The following BRF1 variants were observed in gnomAD, a reference collection of about 807,000 sequenced individuals.
BRF1 encodes the protein BRF1 general transcription factor IIIB subunit.
A neutral mutation model predicts 81.7 loss-of-function variants in BRF1; 59 were observed. That is an observed-to-expected ratio of 0.72 (90% confidence interval 0.59 to 0.90). The LOEUF is 0.90. BRF1 is among the 40% of genes least tolerant of loss of function. The pLI, the probability that BRF1 is intolerant of heterozygous loss-of-function variation, is 0.00. For missense variants in BRF1, 1,050 were observed against 936.3 expected, an observed-to-expected ratio of 1.12 and a Z score of -1.58; for synonymous variants, 491 against 395.6, an observed-to-expected ratio of 1.24 and a Z score of -2.86.
At chr14:105,218,929 C>T in intron 14 of BRF1, 69 bp downstream of exon 14, 1 of 1,603,072 alleles carries the variant, frequency 6.2e-7, no homozygotes, top group Non-Finnish European at 8.5e-7. Context: ...AAGGGACATT[C>T]CAGAGACATT....
At chr14:105,222,721 C>T (rs962895534) in intron 10 of BRF1, among the ~76,000 whole-genome samples, 9 of 152,228 alleles carry the variant, frequency 5.9e-5, no homozygotes, top group East Asian at 1.9e-4. Flanking sequence ...CTCCGCCTCC[C>T]GGGTTCACGC....
intron 3 of BRF1, among the ~76,000 whole-genome samples, chr14:105,260,819 A>G (rs2056113825): frequency 1.3e-5 from 2 of 152,246 alleles, no homozygotes; most frequent in Non-Finnish European, 2.9e-5. Context: ...TGGCTCTATC[A>G]GGCGCTTTCA....
Position 105,271,319 on chromosome 14 carries a change from G to C in BRF1, c.439+1402C>G, listed in dbSNP as rs1036483621. Reference sequence around the variant, plus strand: ...ACACTGCCGTGAGATTTCTGAACGTGGAGATTAGAGGCAAGGAGCTGAAGC... The same window carrying C: ...ACACTGCCGTGAGATTTCTGAACGTCGAGATTAGAGGCAAGGAGCTGAAGC... On this transcript the variant is annotated intron_variant, in intron 3 of 17. Transcript: ENST00000547530. This position sits in a 1 kb window ranked among gnomAD's most constrained non-coding sequence, Gnocchi z 5.5. Among the ~76,000 whole-genome samples, 1 of 152,226 alleles carries C rather than the reference G, an allele frequency of 6.6e-6. No individual in the cohort carries two copies. Among genetic ancestry groups the C allele is most frequent in the Non-Finnish European group, 1.5e-5 (1 of 68,050 alleles).
chr14:105,293,776 G>T (rs1213208857), intron 1 of BRF1, among the ~76,000 whole-genome samples: 2 of 152,208 alleles, frequency 1.3e-5, no homozygotes, highest in Non-Finnish European at 2.9e-5. Context: ...TCCCCCGTGG[G>T]GCCTGGCTTC....
intron 5 of BRF1, 48 bp from the exon 6 acceptor site, chr14:105,241,462 C>G (rs759271932): frequency 6.2e-7 from 1 of 1,602,444 alleles, no homozygotes; most frequent in Admixed American, 1.7e-5. Flanking sequence ...TGCCATGGCA[C>G]GTGCACAGGC....
At position 105,229,255 on chromosome 14, in the gene BRF1, T is replaced by A. The variant is rs587643229; in HGVS notation, c.695-342A>T. 3.3e-5 allele frequency among the ~76,000 whole-genome samples: 5 copies of A among 152,292 alleles called. No homozygotes were observed. The South Asian group carries it at 8.3e-4, about 25-fold the overall frequency. ...TGATGGGAGCTGGGGACTCTGAGGA[T>A]GCGGAGCCAGGCTGGGCAGGAAAGG... is the stretch of plus-strand genomic sequence containing the variant. On this transcript the variant is annotated intron_variant, in intron 6 of 17. Transcript: ENST00000547530.
At chr14:105,224,591 C>T (rs1892795228) in intron 10 of BRF1, among the ~76,000 whole-genome samples, 1 of 152,196 alleles carries the variant, frequency 6.6e-6, no homozygotes, top group South Asian at 2.1e-4. Context: ...CTCTGCTGCC[C>T]AGGCTGGAAT....
chr14:105,265,900 C>CAAA (rs34375627), intron 3 of BRF1, among the ~76,000 whole-genome samples: 2,448 of 75,582 alleles, frequency 0.032, 82 homozygotes, highest in African/African-American at 0.082. Context: ...GACTCCCTCT[C>CAAA]AAAAAAAAAA....
chr14:105,280,108 A>C (rs2057006903), intron 2 of BRF1, among the ~76,000 whole-genome samples: 1 of 152,254 alleles, frequency 6.6e-6, no homozygotes, highest in Non-Finnish European at 1.5e-5. Context: ...CGTTTACAGC[A>C]GCTTCACTCA....
chr14:105,215,393 C>A (rs1196252418), intron 15 of BRF1, among the ~76,000 whole-genome samples: 2 of 151,736 alleles, frequency 1.3e-5, no homozygotes, highest in Non-Finnish European at 2.9e-5. Flanking sequence ...TGCATTTGCA[C>A]ACAAAAACTT....
intron 1 of BRF1, among the ~76,000 whole-genome samples, chr14:105,286,680 A>G (rs1195071967): frequency 1.3e-5 from 2 of 151,630 alleles, no homozygotes; most frequent in Non-Finnish European, 2.9e-5. Flanking sequence ...ATCTCCACTC[A>G]CTGCAAGCTC....
intron 2 of BRF1, among the ~76,000 whole-genome samples, chr14:105,280,581 G>A (rs1221527678): frequency 1.3e-5 from 2 of 152,028 alleles, no homozygotes; most frequent in Non-Finnish European, 2.9e-5. Flanking sequence ...GCCCGCGTGC[G>A]CAGGTGGAGG....
chr14:105,302,198 T>C (rs1294536778), upstream of BRF1, among the ~76,000 whole-genome samples: 1 of 150,972 alleles, frequency 6.6e-6, no homozygotes, highest in East Asian at 1.9e-4. Flanking sequence ...CCTCTTTTTT[T>C]TCTTTCTTTT....
intron 1 of BRF1, among the ~76,000 whole-genome samples, chr14:105,291,425 C>T (rs2057505074): frequency 1.3e-5 from 2 of 152,212 alleles, no homozygotes; most frequent in African/African-American, 2.4e-5. Context: ...ACAGTAATCT[C>T]GGCATTTTGG....
At chr14:105,246,568 C>T (rs1344933045) in intron 5 of BRF1, among the ~76,000 whole-genome samples, 4 of 152,124 alleles carry the variant, frequency 2.6e-5, no homozygotes, top group Non-Finnish European at 4.4e-5. Flanking sequence ...CTCCCTGGTT[C>T]GAGCCATTCT....
intron 15 of BRF1, chr14:105,212,537 C>G (rs1595231577): frequency 8.3e-6 from 2 of 241,928 alleles, no homozygotes; most frequent in East Asian, 2.1e-4. Flanking sequence ...GAGTGCTTCC[C>G]CAACCCTCAC....
chr14:105,267,794 G>C (rs1025828166), intron 3 of BRF1, among the ~76,000 whole-genome samples: 3 of 152,200 alleles, frequency 2.0e-5, no homozygotes, highest in Admixed American at 1.3e-4. Flanking sequence ...GCCAGAACAG[G>C]GGGGCAGAGA....
intron 5 of BRF1, chr14:105,249,635 C>T (rs943125095): frequency 1.5e-5 from 24 of 1,602,842 alleles, no homozygotes; most frequent in Non-Finnish European, 2.0e-5. Flanking sequence ...CCCTGCCTCG[C>T]CTAGGTACAT....
rs2057964117 is a variant in BRF1 at position 105,300,489 on chromosome 14, G to A, written c.141C>T (p.Ser47=). 1 of 1,535,872 alleles carries A rather than the reference G, an allele frequency of 6.5e-7. No individual in the cohort carries two copies. Among genetic ancestry groups the A allele is most frequent in the Non-Finnish European group, 8.7e-7 (1 of 1,144,340 alleles). ...GGCCCACGGCCGAGGAGCCGCCGCC[G>A]CTGCTCTCCACGAACTGCACCTCGG... ...IVSEVQFVES[S]GGGSSAVGQF... The change falls in exon 1 of 18, where the codon AGC becomes AGT. Residue 47 remains serine (S), a synonymous_variant. Coordinates refer to ENST00000547530, the MANE Select transcript of BRF1 (RefSeq NM_001519.4).
Sources: allele counts gnomAD v4.1 joint callset (sites outside exome capture counted in the v4.1 genomes callset), GRCh38; gene constraint gnomAD v4.1.1; non-coding constraint Gnocchi (gnomAD v3.1); transcripts MANE v1.5; gene names NCBI Gene and HGNC (gene_info 2026-07-23, HGNC 2026-07-21).